Variants in STAG1 observed in about 807,000 individuals in gnomAD.
STAG1 encodes the protein cohesin subunit SA-1.
A neutral mutation model predicts 170.9 loss-of-function variants in STAG1; 26 were observed. That is an observed-to-expected ratio of 0.15 (90% CI 0.11 to 0.21). STAG1 has a LOEUF of 0.21. STAG1 is among the 10% of genes least tolerant of loss of function. The pLI is 1.00. For synonymous variants in STAG1, 514 were observed against 497.7 expected (o/e 1.03, Z -0.44); for missense variants, 964 against 1,509.5 (o/e 0.64, Z 5.99).
intron 10 of STAG1, among the ~76,000 whole-genome samples, 177 bp downstream of exon 10, chr3:136,477,112 G>A (rs759983997): frequency 1.3e-5 from 2 of 152,090 alleles, no homozygotes; most frequent in African/African-American, 2.4e-5. Context: ...CTTCACCCCT[G>A]GGCAAATGCT....
At chr3:136,710,850 C>T (rs1285421015) in intron 1 of STAG1, among the ~76,000 whole-genome samples, 1 of 151,858 alleles carries the variant, frequency 6.6e-6, no homozygotes, top group African/African-American at 2.4e-5. Flanking sequence ...TGATACTTTA[C>T]CCAGTCCTGC....
At chr3:136,622,129 C>T (rs1219505467) in intron 3 of STAG1, among the ~76,000 whole-genome samples, 1 of 115,568 alleles carries the variant, frequency 8.7e-6, no homozygotes. Flanking sequence ...GAAACCCCAT[C>T]TCTACTAAAA....
chr3:136,451,955 G>A (rs1278603767), intron 14 of STAG1, 78 bp downstream of exon 14: 4 of 963,940 alleles, frequency 4.1e-6, no homozygotes, highest in African/African-American at 3.3e-5. Context: ...TTATTTGATT[G>A]AAAAAAATTA....
intron 9 of STAG1, among the ~76,000 whole-genome samples, chr3:136,489,027 A>C (rs1043369769): frequency 6.6e-6 from 1 of 152,242 alleles, no homozygotes; most frequent in Non-Finnish European, 1.5e-5. Context: ...AAAGACAATC[A>C]TAAGACAGAC....
chr3:136,445,906 T>C (rs1407719890), intron 14 of STAG1, among the ~76,000 whole-genome samples: 1 of 152,236 alleles, frequency 6.6e-6, no homozygotes. Context: ...TGTTTGTAAA[T>C]AGCATAAAGC....
rs1188922825 is a variant in STAG1, at chr3:136,663,115, AAAAT to A, written c.-83-32138_-83-32135del. ...AATTAAAATAAAATCAAGTGGGTTGAAAATAAATAAACCTACACAGCCTATACAA... is the reference window on the plus strand; with the variant it reads ...AATTAAAATAAAATCAAGTGGGTTGAAAATAAACCTACACAGCCTATACAA... On this transcript the variant is annotated intron_variant, in intron 1 of 33. Transcript: ENST00000383202. 2.0e-5 allele frequency among the ~76,000 whole-genome samples: 3 copies of A among 152,248 alleles called. No individual in the cohort carries two copies. The East Asian group carries it at 5.8e-4, about 29-fold the overall frequency.
chr3:136,643,971 C>T (rs934536004), intron 1 of STAG1, among the ~76,000 whole-genome samples: 2 of 152,064 alleles, frequency 1.3e-5, no homozygotes, highest in Non-Finnish European at 2.9e-5. Context: ...CAACAAAGTT[C>T]GATACTTAAT....
intron 3 of STAG1, among the ~76,000 whole-genome samples, chr3:136,612,360 A>G (rs1350665060): frequency 1.3e-5 from 2 of 152,072 alleles, no homozygotes; most frequent in Non-Finnish European, 2.9e-5. Context: ...TAATCCCCGT[A>G]CATTGAGAGG....
intron 6 of STAG1, among the ~76,000 whole-genome samples, chr3:136,538,329 T>G (rs1272293266): frequency 6.6e-6 from 1 of 152,176 alleles, no homozygotes; most frequent in East Asian, 1.9e-4. Flanking sequence ...AAGAAATCTT[T>G]TCATGTATTT....
intron 12 of STAG1, 148 bp from the exon 13 acceptor site, chr3:136,465,136 C>A: frequency 1.8e-6 from 1 of 545,426 alleles, no homozygotes; most frequent in Non-Finnish European, 3.1e-6. Flanking sequence ...TAATGTTTCC[C>A]CTTTAAGTAT....
intron 1 of STAG1, among the ~76,000 whole-genome samples, chr3:136,700,397 T>C (rs1000962127): frequency 6.6e-6 from 1 of 151,416 alleles, no homozygotes; most frequent in Non-Finnish European, 1.5e-5. Context: ...TAAATGAACA[T>C]ATACAACTAA....
intron 1 of STAG1, among the ~76,000 whole-genome samples, chr3:136,744,021 T>A (rs1480163183): frequency 6.6e-6 from 1 of 152,230 alleles, no homozygotes; most frequent in Non-Finnish European, 1.5e-5. Context: ...TGTTCACACA[T>A]CCTGGTACAA....
At position 136,501,777 on chromosome 3, in the gene STAG1, C is replaced by A. The variant is rs113731701; in HGVS notation, c.828+851G>T. ...TAAACCCATTAAGTTATTATTCATA[C>A]GTAATTCCTTTGCTGTAATGTGATA... On this transcript the variant is annotated intron_variant, in intron 8 of 33. Transcript: ENST00000383202. 4.3e-4 allele frequency among the ~76,000 whole-genome samples: 65 copies of A among 152,188 alleles called. 2 individuals are homozygous for A. The South Asian group carries it at 0.013, about 30-fold the overall frequency.
rs776160108 is a variant in STAG1 at position 136,717,322 on chromosome 3, T to C, written c.-84+34873A>G. Reference sequence around the variant, plus strand: ...AGCCAAGATTTACTATAAACAGTTATTGATTTTGGTGTTAAAAGCATTTTG... The same window carrying C: ...AGCCAAGATTTACTATAAACAGTTACTGATTTTGGTGTTAAAAGCATTTTG... On this transcript the variant is annotated intron_variant, in intron 1 of 33. Coordinates refer to ENST00000383202, the MANE Select transcript of STAG1 (RefSeq NM_005862.3). Among the ~76,000 whole-genome samples the C allele has an allele frequency of 2.6e-5, 4 of 152,208 alleles. No homozygotes were observed. In the East Asian group the frequency reaches 5.8e-4, roughly 22 times the overall value.
At chr3:136,729,435 A>C (rs781066393) in intron 1 of STAG1, among the ~76,000 whole-genome samples, 4 of 152,212 alleles carry the variant, frequency 2.6e-5, no homozygotes, top group Non-Finnish European at 5.9e-5. Context: ...AATTATCAAT[A>C]TATTAAAGCA....
chr3:136,473,428 T>C (rs1312349003), intron 11 of STAG1, 111 bp downstream of exon 11: 2 of 784,850 alleles, frequency 2.5e-6, no homozygotes, highest in Non-Finnish European at 3.9e-6. Flanking sequence ...GGGACTGCTG[T>C]AATAAAGAAT....
Position 136,604,302 on chromosome 3 carries a change from A to T in STAG1, c.297+7T>A, listed in dbSNP as rs1304835214. 6.2e-7 allele frequency: 1 copy of T among 1,601,384 alleles called. No individual in the cohort carries two copies. The highest frequency in any genetic ancestry group is 1.3e-5 in the African/African-American group (1 of 74,158). On this transcript the variant is annotated splice_region_variant and intron_variant, in intron 4 of 33. Transcript: ENST00000383202. ...CTTTATACGTGAAATAAAAACTTAA[A>T]ATTTACCTGCATTGCACTTTTCCCC... is the stretch of plus-strand genomic sequence containing the variant.
chr3:136,384,831 T>G (rs1471395055), intron 22 of STAG1, among the ~76,000 whole-genome samples: 4 of 150,982 alleles, frequency 2.6e-5, no homozygotes, highest in African/African-American at 9.7e-5. Flanking sequence ...TATTTATATA[T>G]AAACAAAAAA....
chr3:136,724,158 A>C (rs1296533602), intron 1 of STAG1, among the ~76,000 whole-genome samples: 1 of 150,402 alleles, frequency 6.6e-6, no homozygotes. Context: ...TGTGGAATAG[A>C]GGAGGGGAGA....
Sources: gnomAD v4.1 joint callset for allele counts (sites outside exome capture counted in the v4.1 genomes callset) on GRCh38, gnomAD v4.1.1 for gene constraint, MANE v1.5 for transcripts, NCBI Gene and HGNC (gene_info 2026-07-23, HGNC 2026-07-21) for gene names.